The following CLSTN2 variants were observed in gnomAD, a reference collection of about 807,000 sequenced individuals.
CLSTN2 encodes the protein calsyntenin 2, also known as calsyntenin-2.
A neutral mutation model predicts 101.2 loss-of-function variants in CLSTN2; 48 were observed. The observed-to-expected ratio is 0.47, with a 90% CI of 0.38 to 0.60. The LOEUF is 0.60. CLSTN2 is among the 20% of genes least tolerant of loss of function. The pLI, the probability that CLSTN2 is intolerant of heterozygous loss-of-function variation, is 0.00. For synonymous variants in CLSTN2, 481 were observed against 463.6 expected, an observed-to-expected ratio of 1.04 and a Z score of -0.48; for missense variants, 1,160 against 1,238.2, an observed-to-expected ratio of 0.94 and a Z score of 0.95.
chr3:140,257,561 GGTGT>G (rs397877641), intron 2 of CLSTN2, among the ~76,000 whole-genome samples: 1,511 of 92,996 alleles, frequency 0.016, 9 homozygotes, highest in Admixed American at 0.028. Context: ...TCTTTCTAGG[GGTGT>G]GTGTGTGTGT....
intron 1 of CLSTN2, among the ~76,000 whole-genome samples, chr3:140,045,286 C>G (rs1020087469): frequency 3.9e-5 from 6 of 152,116 alleles, no homozygotes; most frequent in African/African-American, 1.4e-4. Flanking sequence ...GGAATTTATC[C>G]ATTCCTTCTA....
chr3:140,098,561 A>C (rs2008909707), intron 1 of CLSTN2, among the ~76,000 whole-genome samples: 1 of 152,236 alleles, frequency 6.6e-6, no homozygotes, highest in Non-Finnish European at 1.5e-5. Flanking sequence ...TAGTTTGGAA[A>C]TGTATAGACA....
chr3:140,565,950 C>G, intron 16 of CLSTN2, 103 bp from the exon 17 acceptor site: 1 of 1,411,698 alleles, frequency 7.1e-7, no homozygotes, highest in East Asian at 2.4e-5. Context: ...GAAGAAATTC[C>G]AAGGGGCCGT....
At chr3:140,514,199 T>A (rs1298599802) in intron 8 of CLSTN2, among the ~76,000 whole-genome samples, 1 of 152,256 alleles carries the variant, frequency 6.6e-6, no homozygotes, top group Admixed American at 6.5e-5. Context: ...CATGAATAAG[T>A]TCTTTAGTGG....
intron 1 of CLSTN2, among the ~76,000 whole-genome samples, chr3:139,986,063 C>G (rs1936016124): frequency 6.6e-6 from 1 of 152,136 alleles, no homozygotes; most frequent in Non-Finnish European, 1.5e-5. Flanking sequence ...CAGTTCTTTA[C>G]AAGCTCTTTA....
chr3:140,427,182 AAAATAT>A (rs1209785008), intron 5 of CLSTN2, among the ~76,000 whole-genome samples: 29 of 79,800 alleles, frequency 3.6e-4, no homozygotes, highest in African/African-American at 2.7e-3. Flanking sequence ...TCAAAAAAAA[AAAATAT>A]ATATATATAT....
chr3:140,546,155 C>A (rs1935580024), intron 9 of CLSTN2, among the ~76,000 whole-genome samples: 2 of 152,218 alleles, frequency 1.3e-5, no homozygotes, highest in South Asian at 4.1e-4. Context: ...CAGGCTTGTT[C>A]AGATGAAGTC....
At chr3:140,464,799 C>A (rs996641169) in intron 7 of CLSTN2, among the ~76,000 whole-genome samples, 1 of 152,172 alleles carries the variant, frequency 6.6e-6, no homozygotes, top group African/African-American at 2.4e-5. Flanking sequence ...TCCCCAGAAG[C>A]AGTCCCGGGT....
In CLSTN2 at chr3:140,567,361, C is replaced by A. The variant is rs148986427; in HGVS notation, c.*1108C>A. On this transcript the variant is annotated 3_prime_UTR_variant, in exon 17 of 17. Coordinates refer to ENST00000458420, the MANE Select transcript of CLSTN2 (RefSeq NM_022131.3). ...AAACGCACGAGCTCCACCAAGTCTA[C>A]AATGAAAGTTTGAAATTTAACTGCA... 123 of 152,350 alleles carry A rather than the reference C, an allele frequency of 8.1e-4. 1 individual carries two copies. Among genetic ancestry groups the A allele is most frequent in the African/African-American group, 2.6e-3 (109 of 41,580 alleles). 9.4% of individuals were successfully genotyped at this position (152,350 alleles called of 1,614,324 possible). A position where few individuals can be genotyped will look rare whatever the true frequency, so the allele number is the denominator to read the frequency against.
Position 139,988,193 on chromosome 3 carries a change from T to C in CLSTN2, c.109+52710T>C, listed in dbSNP as rs556698500. Among the ~76,000 whole-genome samples the C allele has an allele frequency of 5.1e-3, 778 of 152,362 alleles. 1 individual carries two copies. The highest frequency in any genetic ancestry group is 7.9e-3 in the Non-Finnish European group (535 of 68,040). On this transcript the variant is annotated intron_variant, in intron 1 of 16. Coordinates refer to ENST00000458420, the MANE Select transcript of CLSTN2 (RefSeq NM_022131.3). The stretch of plus-strand genomic sequence containing the variant: ...TGTGTTTCCCCTTTCAGGGAAGCTC[T>C]GACTTGGTGCTACCAGCCAGAGTTT...
intron 1 of CLSTN2, among the ~76,000 whole-genome samples, chr3:140,007,461 C>A (rs2006981959): frequency 6.6e-6 from 1 of 152,324 alleles, no homozygotes; most frequent in East Asian, 1.9e-4. Flanking sequence ...CCCCTTCCCC[C>A]ATCCTGTCCC....
chr3:140,472,535 A>T (rs946189959), intron 8 of CLSTN2, among the ~76,000 whole-genome samples: 5 of 151,972 alleles, frequency 3.3e-5, no homozygotes, highest in African/African-American at 1.2e-4. Flanking sequence ...CATTGTCAGC[A>T]CTCTAATCCT....
intron 1 of CLSTN2, among the ~76,000 whole-genome samples, chr3:140,025,269 G>A (rs1232285175): frequency 6.6e-6 from 1 of 152,184 alleles, no homozygotes; most frequent in Non-Finnish European, 1.5e-5. Context: ...AACTAAAGAT[G>A]TGTACATCTA....
chr3:140,403,654 T>C lies in CLSTN2; in HGVS notation c.258T>C (p.His86=), dbSNP rs2088269146. ...GGGAAATCTGTGCGTTCAAGATCCA[T>C]GGCCAGGAGCTGCCCTTTGAGGCTG... ...FAGEICAFKI[H]GQELPFEAVV... The change falls in exon 3 of 17, where the codon CAT becomes CAC. Residue 86 remains histidine (H), a synonymous_variant. Coordinates refer to ENST00000458420, the MANE Select transcript of CLSTN2 (RefSeq NM_022131.3). 6.2e-7 allele frequency: 1 copy of C among 1,613,222 alleles called. No homozygotes were observed. The highest frequency in any genetic ancestry group is 8.5e-7 in the Non-Finnish European group (1 of 1,179,576).
chr3:140,257,748 T>TCTG (rs752527843), intron 2 of CLSTN2, among the ~76,000 whole-genome samples: 1 of 152,324 alleles, frequency 6.6e-6, no homozygotes, highest in Admixed American at 6.5e-5. Context: ...AATTAACAAT[T>TCTG]CTGCTGGGCA....
intron 2 of CLSTN2, among the ~76,000 whole-genome samples, chr3:140,208,709 C>T (rs950749655): frequency 4.6e-5 from 7 of 152,146 alleles, no homozygotes; most frequent in African/African-American, 1.7e-4. Context: ...GGGATTCTGT[C>T]CCAATCCTTT....
At chr3:140,205,618 G>GCCCC (rs200923291) in intron 2 of CLSTN2, among the ~76,000 whole-genome samples, 839 of 66,846 alleles carry the variant, frequency 0.013, 22 homozygotes, top group Non-Finnish European at 0.022. Flanking sequence ...GACCTGACCC[G>GCCCC]CCCCCCACCC....
intron 6 of CLSTN2, among the ~76,000 whole-genome samples, chr3:140,450,672 A>C (rs1370052179): frequency 6.6e-6 from 1 of 152,036 alleles, no homozygotes; most frequent in Non-Finnish European, 1.5e-5. Flanking sequence ...CTCCACTATT[A>C]TCTTTGGGGC....
At chr3:140,411,325 C>G (rs1426776619) in intron 4 of CLSTN2, among the ~76,000 whole-genome samples, 1 of 151,904 alleles carries the variant, frequency 6.6e-6, no homozygotes, top group Non-Finnish European at 1.5e-5. Context: ...CAAAAAGAGA[C>G]AAAGAAGGTC....
Sources: allele counts gnomAD v4.1 joint callset (sites outside exome capture counted in the v4.1 genomes callset), GRCh38; gene constraint gnomAD v4.1.1; transcripts MANE v1.5; gene names NCBI Gene and HGNC (gene_info 2026-07-23, HGNC 2026-07-21).